HBB: variants seen among roughly 807,000 people sequenced by gnomAD.
HBB encodes hemoglobin subunit beta.
In HBB, 18 loss-of-function variants were observed where a neutral mutation model predicts 9.7. The ratio of observed to expected loss-of-function variants is 1.86; its 90% confidence interval spans 1.28 to 2.76. The LOEUF (loss-of-function observed/expected upper bound fraction) is 2.76. HBB is among the 30% of genes most tolerant of loss of function. The pLI is 0.00. For synonymous variants in HBB, 99 were observed against 73.6 expected (o/e 1.35, Z -1.77); for missense variants, 156 against 177.0 (o/e 0.88, Z 0.67).
At chr11:5,226,835 G>C (rs199587927) in intron 1 of HBB, 36 bp from the exon 2 acceptor site, 2 of 1,592,416 alleles carry the variant, frequency 1.3e-6, no homozygotes, top group South Asian at 1.1e-5. Context: ...GGCAGAGAGA[G>C]TCAGTGCCTA....
At chr11:5,225,764 A>C in intron 2 of HBB, 38 bp from the exon 3 acceptor site, 2 of 1,611,604 alleles carry the variant, frequency 1.2e-6, no homozygotes, top group East Asian at 2.2e-5. Context: ...CATGATTAGC[A>C]AAAGGGCCTA....
At position 5,226,099 on chromosome 11, in the gene HBB, G is replaced by T. The variant is rs78815705; in HGVS notation, c.316-373C>A. ...AAAATTACAAATGCAAAATTACCCT[G>T]ATTTGGTCAATATGTGTACACATAT... On this transcript the variant is annotated intron_variant, in intron 2 of 2. Coordinates refer to ENST00000335295, the MANE Select transcript of HBB (RefSeq NM_000518.5). Among the ~76,000 whole-genome samples, 3,003 of 151,994 alleles carry T rather than the reference G, an allele frequency of 0.02. 46 individuals are homozygous for T. Among genetic ancestry groups the T allele is most frequent in the Non-Finnish European group, 0.029 (1,962 of 67,966 alleles).
chr11:5,225,832 G>T lies in HBB; in HGVS notation c.316-106C>A. The T allele has an allele frequency of 8.6e-7, 1 of 1,169,072 alleles. No homozygotes were observed. Among genetic ancestry groups the T allele is most frequent in the Non-Finnish European group, 1.3e-6 (1 of 780,334 alleles). 72.4% of individuals were successfully genotyped at this position (1,169,072 alleles called of 1,614,324 possible). On this transcript the variant is annotated intron_variant, in intron 2 of 2. Transcript: ENST00000335295. ...ACCATAAAATAAAAGCAGAATGGTAGCTGGATTGTAGCTGCTATTAGCAAT... is the reference window on the plus strand; with the variant it reads ...ACCATAAAATAAAAGCAGAATGGTATCTGGATTGTAGCTGCTATTAGCAAT...
Position 5,225,750 on chromosome 11 carries a change from T to C in HBB, c.316-24A>G, listed in dbSNP as rs990408905. 6 of 1,613,518 alleles carry C rather than the reference T, an allele frequency of 3.7e-6. No individual in the cohort carries two copies. In the East Asian group the frequency reaches 1.3e-4, roughly 36 times the overall value. On this transcript the variant is annotated intron_variant, in intron 2 of 2. Transcript: ENST00000335295. ...AGCTGTGGGAGGAAGATAAGAGGTA[T>C]GAACATGATTAGCAAAAGGGCCTAG... is the stretch of plus-strand genomic sequence containing the variant.
rs35004220 is a variant in HBB, at chr11:5,226,820, C to T, written c.93-21G>A. On this transcript the variant is annotated intron_variant, in intron 1 of 2. Transcript: ENST00000335295. ...GCAGCCTAAGGGTGGGAAAATAGAC[C>T]AATAGGCAGAGAGAGTCAGTGCCTA... The T allele has an allele frequency of 1.2e-4, 197 of 1,608,186 alleles. No homozygotes were observed. In the Middle Eastern group the frequency reaches 2.0e-3, roughly 16 times the overall value.
Position 5,226,954 on chromosome 11 carries a change from T to C in HBB, c.68A>G (p.Glu23Gly), listed in dbSNP as rs33936254. The change falls in exon 1 of 3, where the codon GAA becomes GGA. Residue 23 changes from glutamate (E) to glycine (G), a missense_variant. Transcript: ENST00000335295. ...CCTGCCCAGGGCCTCACCACCAACT[T>C]CATCCACGTTCACCTTGCCCCACAG... ...TALWGKVNVD[E>G]VGGEALGRLL... The C allele has an allele frequency of 6.2e-7, 1 of 1,613,822 alleles. No individual in the cohort carries two copies. The highest frequency in any genetic ancestry group is 2.2e-5 in the East Asian group (1 of 44,866).
rs776904725 is a variant in HBB, at chr11:5,226,894, G to T, written c.92+36C>A. ...GTCTCCACATGCCCAGTTTCTATTG[G>T]TCTCCTTAAACCTGTCTTGTAACCT... is the stretch of plus-strand genomic sequence containing the variant. On this transcript the variant is annotated intron_variant, in intron 1 of 2. Transcript: ENST00000335295. The T allele has an allele frequency of 5.4e-5, 86 of 1,595,508 alleles. No homozygotes were observed. Among genetic ancestry groups the T allele is most frequent in the Non-Finnish European group, 7.1e-5 (83 of 1,163,194 alleles).
rs17850156 is a variant in HBB, at chr11:5,226,739, A to G, written c.153T>C (p.Thr51=). 1 of 1,614,162 alleles carries G rather than the reference A, an allele frequency of 6.2e-7. No individual in the cohort carries two copies. Reference sequence around the variant, plus strand: ...TAGGGTTGCCCATAACAGCATCAGGAGTGGACAGATCCCCAAAGGACTCAA... The same window carrying G: ...TAGGGTTGCCCATAACAGCATCAGGGGTGGACAGATCCCCAAAGGACTCAA... ...RFFESFGDLS[T]PDAVMGNPKV... The change falls in exon 2 of 3, where the codon ACT becomes ACC. Residue 51 remains threonine, a synonymous_variant. Coordinates refer to ENST00000335295, the MANE Select transcript of HBB (RefSeq NM_000518.5).
chr11:5,226,760 C>T lies in HBB; in HGVS notation c.132G>A (p.Glu44=). The change falls in exon 2 of 3, where the codon GAG becomes GAA. Residue 44 remains glutamate (E), a synonymous_variant. Coordinates refer to ENST00000335295, the MANE Select transcript of HBB (RefSeq NM_000518.5). ...VVYPWTQRFF[E]SFGDLSTPDA... ...CAGGAGTGGACAGATCCCCAAAGGA[C>T]TCAAAGAACCTCTGGGTCCAAGGGT... The T allele has an allele frequency of 6.2e-7, 1 of 1,614,128 alleles. No individual in the cohort carries two copies. The highest frequency in any genetic ancestry group is 8.5e-7 in the Non-Finnish European group (1 of 1,180,016).
At position 5,226,197 on chromosome 11, in the gene HBB, A is replaced by G. The variant is rs190369729; in HGVS notation, c.315+380T>C. On this transcript the variant is annotated intron_variant, in intron 2 of 2. Coordinates refer to ENST00000335295, the MANE Select transcript of HBB (RefSeq NM_000518.5). ...AATTAAAAATAAAAGAAAATAAAGT[A>G]GGGAGATTATGAATATGCAAATAAG... 765 of 344,532 alleles carry G rather than the reference A, an allele frequency of 2.2e-3. 1 individual carries two copies. The highest frequency in any genetic ancestry group is 3.3e-3 in the Non-Finnish European group (634 of 190,224). 21.3% of individuals were successfully genotyped at this position (344,532 alleles called of 1,614,324 possible). A position where few individuals can be genotyped will look rare whatever the true frequency, so the allele number is the denominator to read the frequency against.
chr11:5,226,710 A>G lies in HBB; in HGVS notation c.182T>C (p.Val61Ala), dbSNP rs33931779. The change falls in exon 2 of 3, where the codon GTG becomes GCG. Residue 61 changes from valine to alanine, a missense_variant. Val to Ala is a moderately conservative substitution (Grantham distance 64). Transcript: ENST00000335295. ...GAGCACTTTCTTGCCATGAGCCTTC[A>G]CCTTAGGGTTGCCCATAACAGCATC... ...TPDAVMGNPK[V>A]KAHGKKVLGA... 1 of 1,614,062 alleles carries G rather than the reference A, an allele frequency of 6.2e-7. No homozygotes were observed. The highest frequency in any genetic ancestry group is 8.5e-7 in the Non-Finnish European group (1 of 1,180,006).
chr11:5,226,382 A>G lies in HBB; in HGVS notation c.315+195T>C, dbSNP rs565840446. On this transcript the variant is annotated intron_variant, in intron 2 of 2. Coordinates refer to ENST00000335295, the MANE Select transcript of HBB (RefSeq NM_000518.5). ...GGAGAAGAAAAAAAAAGAAAGCAAG[A>G]ATTAAACAAAAGAAAACAATTGTTA... 3.7e-5 allele frequency: 23 copies of G among 628,174 alleles called. No homozygotes were observed. The highest frequency in any genetic ancestry group is 2.9e-4 in the Admixed American group (10 of 34,362). The allele number at this position is 628,174 out of a possible 1,614,324, so 38.9% of individuals were successfully genotyped here.
rs1334966870 is a variant in HBB, at chr11:5,226,637, G to T, written c.255C>A (p.Thr85=). ...GLAHLDNLKG[T]FATLSELHCD... is the part of the protein sequence containing the mutation. ...AGTGCAGCTCACTCAGTGTGGCAAA[G>T]GTGCCCTTGAGGTTGTCCAGGTGAG... The change falls in exon 2 of 3, where the codon ACC becomes ACA. Residue 85 remains threonine (T), a synonymous_variant. Transcript: ENST00000335295. 2 of 1,614,136 alleles carry T rather than the reference G, an allele frequency of 1.2e-6. No homozygotes were observed. Among genetic ancestry groups the T allele is most frequent in the Non-Finnish European group, 1.7e-6 (2 of 1,180,010 alleles).
At chr11:5,226,463 C>A in intron 2 of HBB, 114 bp downstream of exon 2, 1 of 925,414 alleles carries the variant, frequency 1.1e-6, no homozygotes. Context: ...CTGATGCAAT[C>A]ATTCGTCTGT....
chr11:5,225,590 A>C lies in HBB; in HGVS notation c.*8T>G. On this transcript the variant is annotated 3_prime_UTR_variant, in exon 3 of 3. Coordinates refer to ENST00000335295, the MANE Select transcript of HBB (RefSeq NM_000518.5). ...CTTTAATAGAAATTGGACAGCAAGA[A>C]AGCGAGCTTAGTGATACTTGTGGGC... 6.2e-7 allele frequency: 1 copy of C among 1,614,168 alleles called. No individual in the cohort carries two copies. Among genetic ancestry groups the C allele is most frequent in the Non-Finnish European group, 8.5e-7 (1 of 1,179,982 alleles).
chr11:5,225,524 T>C lies in HBB; in HGVS notation c.*74A>G, dbSNP rs369101035. On this transcript the variant is annotated 3_prime_UTR_variant, in exon 3 of 3. Transcript: ENST00000335295. ...TCCAGATGCTCAAGGCCCTTCATAA[T>C]ATCCCCCAGTTTAGTAGTTGGACTT... The C allele has an allele frequency of 8.5e-6, 12 of 1,416,016 alleles. No homozygotes were observed. The highest frequency in any genetic ancestry group is 1.8e-4 in the Middle Eastern group (1 of 5,604). 87.7% of individuals were successfully genotyped at this position (1,416,016 alleles called of 1,614,324 possible). A position where few individuals can be genotyped will look rare whatever the true frequency, so the allele number is the denominator to read the frequency against.
chr11:5,226,929 C>A lies in HBB; in HGVS notation c.92+1G>T, dbSNP rs33971440. 45 of 1,612,762 alleles carry A rather than the reference C, an allele frequency of 2.8e-5. No individual in the cohort carries two copies. In the South Asian group the frequency reaches 4.5e-4, roughly 16 times the overall value. ...ACCTGTCTTGTAACCTTGATACCAA[C>A]CTGCCCAGGGCCTCACCACCAACTT... On this transcript the variant is annotated splice_donor_variant, in intron 1 of 2. Transcript: ENST00000335295. LOFTEE classifies it high-confidence loss of function.
In HBB at chr11:5,226,793, C is replaced by T. The variant is rs148298007; in HGVS notation, c.99G>A (p.Leu33=). The T allele has an allele frequency of 1.2e-6, 2 of 1,613,962 alleles. No individual in the cohort carries two copies. Among genetic ancestry groups the T allele is most frequent in the East Asian group, 2.2e-5 (1 of 44,884 alleles). The part of the protein sequence containing the change: ...EVGGEALGRL[L]VVYPWTQRFF... ...ACCTCTGGGTCCAAGGGTAGACCACCAGCAGCCTAAGGGTGGGAAAATAGA... is the reference window on the plus strand; with the variant it reads ...ACCTCTGGGTCCAAGGGTAGACCACTAGCAGCCTAAGGGTGGGAAAATAGA... Residue 33 remains leucine, a synonymous_variant, in exon 2 of 3, where the codon CTG becomes CTA. Transcript: ENST00000335295.
Position 5,226,447 on chromosome 11 carries a change from TC to T in HBB, c.315+129del. 2.4e-6 allele frequency: 2 copies of T among 836,554 alleles called. No homozygotes were observed. Among genetic ancestry groups the T allele is most frequent in the Non-Finnish European group, 4.0e-6 (2 of 495,174 alleles). 51.8% of individuals were successfully genotyped at this position (836,554 alleles called of 1,614,324 possible). ...AAGAAACTAAAACGATCCTGAGACT[TC>T]CACACTGATGCAATCATTCGTCTGT... On this transcript the variant is annotated intron_variant, in intron 2 of 2. Coordinates refer to ENST00000335295, the MANE Select transcript of HBB (RefSeq NM_000518.5).
Sources: gnomAD v4.1 joint callset for allele counts (sites outside exome capture counted in the v4.1 genomes callset) on GRCh38, gnomAD v4.1.1 for gene constraint, MANE v1.5 for transcripts, NCBI Gene and HGNC (gene_info 2026-07-23, HGNC 2026-07-21) for gene names.